The following GPC6 variants were observed in gnomAD, a reference collection of about 807,000 sequenced individuals.
GPC6 encodes the protein glypican-6.
In GPC6, 14 loss-of-function variants were observed where a neutral mutation model predicts 55.2. That is an observed-to-expected ratio of 0.25 (90% CI 0.17 to 0.40). GPC6 has a LOEUF of 0.40. GPC6 is among the 10% of genes least tolerant of loss of function. The pLI is 1.00. For missense variants in GPC6, 641 were observed against 708.5 expected, an observed-to-expected ratio of 0.90 and a Z score of 1.08; for synonymous variants, 278 against 259.6, an observed-to-expected ratio of 1.07 and a Z score of -0.68.
intron 3 of GPC6, among the ~76,000 whole-genome samples, chr13:93,884,716 G>A (rs961512267): frequency 6.6e-5 from 10 of 151,942 alleles, no homozygotes; most frequent in East Asian, 1.9e-4. Flanking sequence ...TATTTTAAAC[G>A]TCCCTCCATA....
At chr13:93,641,266 C>G (rs4085920) in intron 2 of GPC6, among the ~76,000 whole-genome samples, 1,329 of 104,646 alleles carry the variant, frequency 0.013, 31 homozygotes, top group African/African-American at 0.039. Flanking sequence ...AAGAAGCCAT[C>G]ATATACACTT....
intron 4 of GPC6, among the ~76,000 whole-genome samples, chr13:94,088,846 G>A (rs1315055302): frequency 6.6e-6 from 1 of 152,124 alleles, no homozygotes; most frequent in Non-Finnish European, 1.5e-5. Flanking sequence ...ATTATGTGAT[G>A]GTCTCAGTGA....
intron 1 of GPC6, among the ~76,000 whole-genome samples, chr13:93,403,795 T>C (rs934582055): frequency 7.9e-5 from 12 of 152,286 alleles, no homozygotes; most frequent in African/African-American, 1.7e-4. Flanking sequence ...TCTCTCTCTC[T>C]CCAGAGTTTG....
chr13:94,010,418 G>A (rs1393032560), intron 3 of GPC6, among the ~76,000 whole-genome samples: 2 of 151,998 alleles, frequency 1.3e-5, no homozygotes, highest in Non-Finnish European at 2.9e-5. Context: ...TTAACAAAGT[G>A]GTATTCCTTT....
chr13:94,392,415 ATTTTTTTTTTTTTTT>A (rs59173357), intron 7 of GPC6, among the ~76,000 whole-genome samples: 6 of 105,668 alleles, frequency 5.7e-5, no homozygotes, highest in Non-Finnish European at 5.7e-5. Flanking sequence ...TCTATTTTTA[ATTTTTTTTTTTTTTT>A]TTTTTTTTTT....
Position 94,308,498 on chromosome 13 carries a change from G to A in GPC6, c.1152+2375G>A, listed in dbSNP as rs572621033. ...ATTTTATCCATCTTTTTCTGAAAATGATTGGTAATGGTTAAACGTATCATC... is the reference window on the plus strand; with the variant it reads ...ATTTTATCCATCTTTTTCTGAAAATAATTGGTAATGGTTAAACGTATCATC... On this transcript the variant is annotated intron_variant, in intron 6 of 8. Transcript: ENST00000377047. 2.0e-5 allele frequency among the ~76,000 whole-genome samples: 3 copies of A among 152,306 alleles called. No homozygotes were observed. The South Asian group carries it at 6.2e-4, about 32-fold the overall frequency.
chr13:94,212,489 T>C (rs557409879), intron 4 of GPC6, among the ~76,000 whole-genome samples: 116 of 152,346 alleles, frequency 7.6e-4, no homozygotes, highest in Middle Eastern at 3.4e-3. Flanking sequence ...TCCCAACTGT[T>C]CTAGGCATTA....
intron 4 of GPC6, among the ~76,000 whole-genome samples, chr13:94,092,805 T>C (rs561118039): frequency 2.6e-5 from 4 of 152,202 alleles, no homozygotes; most frequent in Non-Finnish European, 5.9e-5. Context: ...TTTGTCTTTC[T>C]GATAATAGCC....
intron 4 of GPC6, among the ~76,000 whole-genome samples, chr13:94,035,317 A>T (rs1883295799): frequency 1.9e-5 from 1 of 53,596 alleles, no homozygotes; most frequent in African/African-American, 4.1e-5. Context: ...AATCTATTCC[A>T]GAAGGCCAGA....
chr13:93,612,526 C>CAT (rs1271980425), intron 2 of GPC6, among the ~76,000 whole-genome samples: 1 of 151,824 alleles, frequency 6.6e-6, no homozygotes, highest in African/African-American at 2.4e-5. Context: ...CACACACACA[C>CAT]ACACACACAC....
At chr13:94,143,879 A>G (rs190423789) in intron 4 of GPC6, among the ~76,000 whole-genome samples, 34 of 152,264 alleles carry the variant, frequency 2.2e-4, no homozygotes, top group African/African-American at 8.2e-4. Context: ...TGACAGTGAG[A>G]TCTTCTCAAA....
At chr13:93,695,196 C>T (rs1006585427) in intron 2 of GPC6, among the ~76,000 whole-genome samples, 4 of 151,986 alleles carry the variant, frequency 2.6e-5, no homozygotes, top group African/African-American at 9.7e-5. Context: ...TACTGAGCCT[C>T]CACTTTTTAT....
intron 4 of GPC6, among the ~76,000 whole-genome samples, chr13:94,274,192 G>A (rs927115580): frequency 2.6e-5 from 4 of 152,172 alleles, no homozygotes; most frequent in Admixed American, 2.6e-4. Flanking sequence ...GACTACTGGT[G>A]AATTATTTTC....
At chr13:93,224,723 T>C (rs536295942), upstream of GPC6, among the ~76,000 whole-genome samples, 2 of 152,332 alleles carry the variant, frequency 1.3e-5, no homozygotes, top group East Asian at 3.9e-4. Flanking sequence ...CTCTCAGTGT[T>C]AACTGGAATG....
rs78404992 is a variant in GPC6 at position 94,089,623 on chromosome 13, C to CA, written c.877+61738dup. On this transcript the variant is annotated intron_variant, in intron 4 of 8. Transcript: ENST00000377047. ...TTACCCTGTATTTGGGTGAAATTGC[C>CA]AAAAAAAAATGCACACAAATGTGAG... 2.5e-3 allele frequency among the ~76,000 whole-genome samples: 385 copies of CA among 151,794 alleles called. 1 individual carries two copies. Among genetic ancestry groups the CA allele is most frequent in the African/African-American group, 8.9e-3 (369 of 41,328 alleles).
chr13:94,315,531 A>C (rs1333152810), intron 6 of GPC6, among the ~76,000 whole-genome samples: 1 of 152,220 alleles, frequency 6.6e-6, no homozygotes, highest in Non-Finnish European at 1.5e-5. Context: ...TACTGATCAC[A>C]TCTCATTGGC....
intron 2 of GPC6, among the ~76,000 whole-genome samples, chr13:93,754,287 C>T (rs60530578): frequency 0.17 from 26,507 of 152,060 alleles, 4,784 homozygotes; most frequent in African/African-American, 0.44. Flanking sequence ...CTATATTATT[C>T]TGAAGTATTC....
intron 2 of GPC6, among the ~76,000 whole-genome samples, chr13:93,812,488 C>T (rs1886728490): frequency 6.6e-6 from 1 of 151,960 alleles, no homozygotes; most frequent in African/African-American, 2.4e-5. Flanking sequence ...ACAGGTTTTA[C>T]AAGAATATGT....
intron 6 of GPC6, among the ~76,000 whole-genome samples, chr13:94,349,367 C>T (rs1045899549): frequency 3.3e-5 from 5 of 152,164 alleles, no homozygotes; most frequent in Non-Finnish European, 7.3e-5. Context: ...CCTACTCATC[C>T]CTTTTGGTTT....
Sources: allele counts gnomAD v4.1 joint callset (sites outside exome capture counted in the v4.1 genomes callset), GRCh38; gene constraint gnomAD v4.1.1; transcripts MANE v1.5; gene names NCBI Gene and HGNC (gene_info 2026-07-23, HGNC 2026-07-21).